Variants in ERBB4 observed in about 807,000 individuals in gnomAD.
ERBB4 encodes the protein receptor tyrosine-protein kinase erbB-4.
ERBB4 carries 42 observed loss-of-function variants against 158.0 expected under a neutral mutation model. That is an observed-to-expected ratio of 0.27 (90% confidence interval 0.21 to 0.34). The LOEUF (loss-of-function observed/expected upper bound fraction) is 0.34, where lower values mean the gene tolerates loss of function less well. ERBB4 is among the 10% of genes least tolerant of loss of function. The pLI is 1.00. For missense variants in ERBB4, 1,333 were observed against 1,624.1 expected (o/e 0.82, Z 3.08); for synonymous variants, 583 against 558.7 (o/e 1.04, Z -0.61).
chr2:211,545,274 C>T (rs562885108), intron 20 of ERBB4, among the ~76,000 whole-genome samples: 1 of 151,810 alleles, frequency 6.6e-6, no homozygotes, highest in Non-Finnish European at 1.5e-5. Flanking sequence ...GGTCAATAAC[C>T]CTTCACAAAT....
chr2:212,216,055 T>A (rs1044178680), intron 1 of ERBB4, among the ~76,000 whole-genome samples: 1 of 151,396 alleles, frequency 6.6e-6, no homozygotes, highest in Non-Finnish European at 1.5e-5. Context: ...AAAAAAAGAT[T>A]TGCGCCGGTG....
chr2:211,624,675 C>T (rs2069768265), intron 17 of ERBB4, among the ~76,000 whole-genome samples: 1 of 152,174 alleles, frequency 6.6e-6, no homozygotes, highest in Non-Finnish European at 1.5e-5. Context: ...TAAGTGAATG[C>T]TATGAAATGC....
intron 3 of ERBB4, among the ~76,000 whole-genome samples, chr2:211,941,678 G>C (rs542248574): frequency 6.8e-6 from 1 of 146,650 alleles, no homozygotes; most frequent in Non-Finnish European, 1.5e-5. Flanking sequence ...CAGATCTTAA[G>C]CACAAAGTAG....
At chr2:211,904,635 GTTGA>G (rs1314005366) in intron 3 of ERBB4, among the ~76,000 whole-genome samples, 1 of 151,972 alleles carries the variant, frequency 6.6e-6, no homozygotes, top group Admixed American at 6.6e-5. Context: ...CTATCCCACA[GTTGA>G]TTAATAGTTT....
intron 19 of ERBB4, among the ~76,000 whole-genome samples, chr2:211,573,252 T>C (rs1423820303): frequency 6.6e-6 from 1 of 152,136 alleles, no homozygotes; most frequent in Non-Finnish European, 1.5e-5. Flanking sequence ...AGGCAAGGAA[T>C]GTATTTTTCC....
chr2:212,388,927 A>G (rs2090765280), intron 1 of ERBB4, among the ~76,000 whole-genome samples: 2 of 152,278 alleles, frequency 1.3e-5, no homozygotes, highest in South Asian at 4.1e-4. Flanking sequence ...GGACCAACCT[A>G]AATAACTGAA....
rs577387558 is a variant in ERBB4, at chr2:211,869,776, G to A, written c.421+77654C>T. Reference sequence around the variant, plus strand: ...TTATTGCATCTTCTCTAATAGAGTGGTATATATACAAATTATATTGATATT... The same window carrying A: ...TTATTGCATCTTCTCTAATAGAGTGATATATATACAAATTATATTGATATT... On this transcript the variant is annotated intron_variant, in intron 3 of 27. Transcript: ENST00000342788. Among the ~76,000 whole-genome samples the A allele has an allele frequency of 4.2e-3, 637 of 152,072 alleles. 5 individuals are homozygous for A. The highest frequency in any genetic ancestry group is 6.7e-3 in the Non-Finnish European group (453 of 67,974).
chr2:212,188,184 G>GTCTCCCTCTCTCTC (rs2082071996), intron 1 of ERBB4, among the ~76,000 whole-genome samples: 2 of 20,490 alleles, frequency 9.8e-5, no homozygotes, highest in Admixed American at 1.5e-3. Flanking sequence ...ATACCTTCAG[G>GTCTCCCTCTCTCTC]TCTCTCTCTC....
At chr2:211,492,009 T>C (rs1354694420) in intron 20 of ERBB4, among the ~76,000 whole-genome samples, 1 of 151,036 alleles carries the variant, frequency 6.6e-6, no homozygotes, top group Non-Finnish European at 1.5e-5. Flanking sequence ...AAGATGCCCA[T>C]CACACAGTGG....
In ERBB4 at chr2:212,111,854, T is replaced by G. The variant is rs112356400; in HGVS notation, c.234+12898A>C. ...TTCAATCTGGGAATGTCTGTGGCAT[T>G]TACCTTTTTTGGCACTATACAACCT... On this transcript the variant is annotated intron_variant, in intron 2 of 27. Coordinates refer to ENST00000342788, the MANE Select transcript of ERBB4 (RefSeq NM_005235.3). Among the ~76,000 whole-genome samples the G allele has an allele frequency of 7.1e-3, 1,060 of 148,744 alleles. 7 individuals carry two copies. Among genetic ancestry groups the G allele is most frequent in the Middle Eastern group, 0.024 (7 of 286 alleles).
At chr2:212,510,710 A>G (rs1211547836) in intron 1 of ERBB4, among the ~76,000 whole-genome samples, 1 of 152,024 alleles carries the variant, frequency 6.6e-6, no homozygotes, top group Non-Finnish European at 1.5e-5. Flanking sequence ...AAAGCCTAAC[A>G]TCCTATCAAT....
intron 21 of ERBB4, among the ~76,000 whole-genome samples, chr2:211,430,391 A>C (rs1299528664): frequency 6.6e-6 from 1 of 152,142 alleles, no homozygotes; most frequent in East Asian, 1.9e-4. Flanking sequence ...GGACTAAGGC[A>C]TGGATTGAAA....
chr2:212,489,194 T>C (rs1231823128), intron 1 of ERBB4, among the ~76,000 whole-genome samples: 3 of 151,858 alleles, frequency 2.0e-5, no homozygotes, highest in African/African-American at 7.2e-5. Context: ...ATCCCACACG[T>C]AGATCTGACG....
Position 212,280,940 on chromosome 2 carries a change from T to A in ERBB4, c.83-156037A>T, listed in dbSNP as rs76929020. 6.7e-3 allele frequency among the ~76,000 whole-genome samples: 1,017 copies of A among 151,750 alleles called. 28 individuals carry two copies. The highest frequency in any genetic ancestry group is 0.052 in the Admixed American group (794 of 15,160). On this transcript the variant is annotated intron_variant, in intron 1 of 27. Coordinates refer to ENST00000342788, the MANE Select transcript of ERBB4 (RefSeq NM_005235.3). ...AGAACCAGACCTAGATCCGAGGACT[T>A]GACACACTTGGTTTTGTACTGTCTA...
intron 1 of ERBB4, among the ~76,000 whole-genome samples, chr2:212,419,234 G>A (rs79264447): frequency 0.093 from 14,038 of 151,640 alleles, 889 homozygotes; most frequent in Non-Finnish European, 0.15. Flanking sequence ...CAGATAATGT[G>A]GTTTTCAAGT....
At chr2:212,386,121 T>G (rs1019554276) in intron 1 of ERBB4, among the ~76,000 whole-genome samples, 1 of 151,226 alleles carries the variant, frequency 6.6e-6, no homozygotes, top group African/African-American at 2.4e-5. Flanking sequence ...TACCACTTGA[T>G]AGCTTTTAAA....
intron 1 of ERBB4, among the ~76,000 whole-genome samples, chr2:212,271,920 T>C (rs574773485): frequency 6.6e-6 from 1 of 151,898 alleles, no homozygotes; most frequent in South Asian, 2.1e-4. Flanking sequence ...ATTTTTCATA[T>C]TTTAAAATGA....
chr2:212,285,390 A>ATT (rs10707896), intron 1 of ERBB4, among the ~76,000 whole-genome samples: 22 of 146,326 alleles, frequency 1.5e-4, no homozygotes, highest in African/African-American at 5.3e-4. Flanking sequence ...GGGGACTGTG[A>ATT]TTTTTTTTTT....
chr2:212,480,151 C>T (rs1355741077), intron 1 of ERBB4, among the ~76,000 whole-genome samples: 8 of 152,212 alleles, frequency 5.3e-5, no homozygotes. Context: ...CTTAAAATAC[C>T]TGATAACAAT....
Sources: gnomAD v4.1 joint callset for allele counts (sites outside exome capture counted in the v4.1 genomes callset) on GRCh38, gnomAD v4.1.1 for gene constraint, MANE v1.5 for transcripts, NCBI Gene and HGNC (gene_info 2026-07-23, HGNC 2026-07-21) for gene names.